The following P2RX4 variants were observed in gnomAD, a reference collection of about 807,000 sequenced individuals.
The protein encoded by P2RX4 is P2X purinoceptor 4.
P2RX4 carries 37 observed loss-of-function variants against 48.0 expected under a neutral mutation model. The ratio of observed to expected loss-of-function variants is 0.77; its 90% confidence interval spans 0.59 to 1.01. P2RX4 has a LOEUF of 1.01. Ranked by LOEUF, P2RX4 falls within the 50% of genes least tolerant of loss-of-function variation. The pLI is 0.00. For synonymous variants in P2RX4, 200 were observed against 199.7 expected, an observed-to-expected ratio of 1.00 and a Z score of -0.01; for missense variants, 501 against 521.4, an observed-to-expected ratio of 0.96 and a Z score of 0.38.
At chr12:121,214,295 A>C (rs1204829506) in intron 1 of P2RX4, 1 of 152,056 alleles carries the variant, frequency 6.6e-6, no homozygotes, top group African/African-American at 2.4e-5. Flanking sequence ...GGTCATGAGA[A>C]TCTTTAAAGC....
Position 121,232,716 on chromosome 12 carries a change from T to C in P2RX4, c.1044+40T>C, listed in dbSNP as rs1887451133. On this transcript the variant is annotated intron_variant, in intron 10 of 11. Transcript: ENST00000337233. The surrounding 1 kb of genome is among the most constrained non-coding windows in gnomAD (Gnocchi z 4.3). The stretch of plus-strand genomic sequence containing the variant: ...CCCTGCCTTCACCCTCACGGTGAGG[T>C]GAGACCCTGGGCTGGGGTCCTGGTC... 1 of 1,532,926 alleles carries C rather than the reference T, an allele frequency of 6.5e-7. No homozygotes were observed. Among genetic ancestry groups the C allele is most frequent in the South Asian group, 1.1e-5 (1 of 89,476 alleles). 95.0% of individuals were successfully genotyped at this position (1,532,926 alleles called of 1,614,324 possible).
chr12:121,230,422 G>C (rs1887267059), intron 8 of P2RX4, among the ~76,000 whole-genome samples: 1 of 152,212 alleles, frequency 6.6e-6, no homozygotes, highest in Non-Finnish European at 1.5e-5. Context: ...CCATCCCTGG[G>C]CGCGGTCAGC....
chr12:121,228,231 A>T (rs1392460524), intron 5 of P2RX4, among the ~76,000 whole-genome samples: 1 of 151,778 alleles, frequency 6.6e-6, no homozygotes, highest in African/African-American at 2.4e-5. Flanking sequence ...CTCTACTAAA[A>T]ATACAAAAAA....
chr12:121,232,724 T>C lies in P2RX4; in HGVS notation c.1044+48T>C. ...TCACCCTCACGGTGAGGTGAGACCCTGGGCTGGGGTCCTGGTCCTGGCCCT... is the reference window on the plus strand; with the variant it reads ...TCACCCTCACGGTGAGGTGAGACCCCGGGCTGGGGTCCTGGTCCTGGCCCT... On this transcript the variant is annotated intron_variant, in intron 10 of 11. Coordinates refer to ENST00000337233, the MANE Select transcript of P2RX4 (RefSeq NM_002560.3). This position sits in a 1 kb window ranked among gnomAD's most constrained non-coding sequence, Gnocchi z 4.3. The C allele has an allele frequency of 2.0e-6, 3 of 1,486,116 alleles. No individual in the cohort carries two copies. 92.1% of individuals were successfully genotyped at this position (1,486,116 alleles called of 1,614,324 possible).
At chr12:121,222,212 GC>G in intron 4 of P2RX4, 46 bp downstream of exon 4, 3 of 1,287,868 alleles carry the variant, frequency 2.3e-6, no homozygotes, top group Non-Finnish European at 3.4e-6. Flanking sequence ...TGAGCAGATC[GC>G]CCCCACTGTG....
intron 1 of P2RX4, chr12:121,216,132 A>G (rs1886213567): frequency 6.6e-6 from 1 of 152,246 alleles, no homozygotes; most frequent in African/African-American, 2.4e-5. Flanking sequence ...AAAATCTCAT[A>G]ACGTTTTAAG....
In P2RX4 at chr12:121,217,189, G is replaced by C. The variant is rs199523376; in HGVS notation, c.190G>C (p.Val64Leu). Reference protein sequence around the residue: ...YQETDSVVSSVTTKVKGVAVT... With the variant: ...YQETDSVVSSLTTKVKGVAVT... ...GGAAACTGACTCCGTGGTCAGCTCC[G>C]TTACGACCAAGGTCAAGGGCGTGGC... Residue 64 changes from valine (V) to leucine (L), a missense_variant, in exon 2 of 12, where the codon GTT becomes CTT. By Grantham distance (32) the Val-to-Leu change is conservative. This residue lies in a region of P2RX4 where 295 missense variants were observed against 275.3 expected (regional missense o/e 1.07). Transcript: ENST00000337233. 5.6e-6 allele frequency: 9 copies of C among 1,614,222 alleles called. No homozygotes were observed. Among genetic ancestry groups the C allele is most frequent in the Middle Eastern group, 1.6e-4 (1 of 6,062 alleles).
intron 1 of P2RX4, chr12:121,214,207 A>C (rs1442571042): frequency 6.6e-6 from 1 of 152,114 alleles, no homozygotes; most frequent in African/African-American, 2.4e-5. Flanking sequence ...GTCTCAAAAA[A>C]AAAAATATGT....
At position 121,228,804 on chromosome 12, in the gene P2RX4, A is replaced by G. The variant is rs779430546; in HGVS notation, c.685A>G (p.Ile229Val). 2.5e-5 allele frequency: 41 copies of G among 1,614,018 alleles called. No individual in the cohort carries two copies. In the East Asian group the frequency reaches 7.4e-4, roughly 29 times the overall value. ...YDAKTDPFCPIFRLGKIVENA... is the reference protein window; with the variant it reads ...YDAKTDPFCPVFRLGKIVENA... Reference sequence around the variant, plus strand: ...TGCTAAAACAGATCCCTTCTGCCCCATATTCCGTCTTGGCAAAATAGTGGA... The same window carrying G: ...TGCTAAAACAGATCCCTTCTGCCCCGTATTCCGTCTTGGCAAAATAGTGGA... The change falls in exon 7 of 12, where the codon ATA (isoleucine) becomes GTA (valine). Residue 229 changes from isoleucine to valine, a missense_variant. By Grantham distance (29) the Ile-to-Val change is conservative (BLOSUM62 3). Coordinates refer to ENST00000337233, the MANE Select transcript of P2RX4 (RefSeq NM_002560.3).
At position 121,222,973 on chromosome 12, in the gene P2RX4, T is replaced by A; in HGVS notation, c.454T>A (p.Phe152Ile). The change falls in exon 5 of 12, where the codon TTC becomes ATC. Residue 152 changes from phenylalanine to isoleucine, a missense_variant. By Grantham distance (21) the Phe-to-Ile change is conservative. Around this residue, in one of 3 missense-constraint regions of P2RX4, gnomAD observed 295 missense variants for 275.3 expected, o/e 1.07. Transcript: ENST00000337233. ...AGTCTCAACAGGCAGGTGCGTAGCT[T>A]TCAACGGGTCTGTCAAGACGTGTGA... ...NGVSTGRCVA[F>I]NGSVKTCEVA... 6.2e-7 allele frequency: 1 copy of A among 1,613,726 alleles called. No homozygotes were observed. The highest frequency in any genetic ancestry group is 8.5e-7 in the Non-Finnish European group (1 of 1,179,652).
chr12:121,222,519 TCTC>T, intron 4 of P2RX4: 1 of 443,518 alleles, frequency 2.3e-6, no homozygotes, highest in South Asian at 1.9e-5. Context: ...TTCAAACAAT[TCTC>T]CTGCCTCAGC....
intron 2 of P2RX4, among the ~76,000 whole-genome samples, chr12:121,218,986 C>T (rs1886398489): frequency 6.6e-6 from 1 of 152,034 alleles, no homozygotes; most frequent in Non-Finnish European, 1.5e-5. Flanking sequence ...GATCACGCCA[C>T]TGCACTCCAG....
intron 5 of P2RX4, among the ~76,000 whole-genome samples, chr12:121,227,025 GA>G (rs1384138828): frequency 6.6e-6 from 1 of 151,760 alleles, no homozygotes; most frequent in Non-Finnish European, 1.5e-5. Flanking sequence ...TGAGGCAGGA[GA>G]ATCACTTGAA....
intron 5 of P2RX4, among the ~76,000 whole-genome samples, chr12:121,225,541 G>A (rs1473983617): frequency 1.3e-5 from 2 of 152,050 alleles, no homozygotes; most frequent in Admixed American, 1.3e-4. Context: ...CTCCCCAGTA[G>A]CTGGGACTAC....
intron 5 of P2RX4, among the ~76,000 whole-genome samples, chr12:121,227,145 C>CA: frequency 6.6e-6 from 1 of 152,106 alleles, no homozygotes; most frequent in South Asian, 2.1e-4. Context: ...CCCTTGGTCC[C>CA]AGCCTTTCTC....
chr12:121,227,655 G>A (rs916770323), intron 5 of P2RX4, among the ~76,000 whole-genome samples: 1 of 152,198 alleles, frequency 6.6e-6, no homozygotes, highest in African/African-American at 2.4e-5. Flanking sequence ...CCTTCCTTGA[G>A]GGGAAGAACC....
At chr12:121,228,681 T>C (rs1887149929) in intron 6 of P2RX4, 44 bp from the exon 7 acceptor site, 2 of 1,613,496 alleles carry the variant, frequency 1.2e-6, no homozygotes, top group African/African-American at 2.7e-5. Context: ...CTCTCTTCTC[T>C]GAGGTTTTCG....
Position 121,222,113 on chromosome 12 carries a change from TG to T in P2RX4, c.375del (p.Cys126ValfsTer25), listed in dbSNP as rs1245298975. On this transcript the variant is annotated frameshift_variant, in exon 4 of 12. Transcript: ENST00000337233. LOFTEE classifies it high-confidence loss of function. ...TTCCAGATTCCAGATGCGACCACTG[TG>T]TGTAAATCAGATGCCAGCTGTACTG... Reference protein sequence around the residue: ...LCPEIPDATTVCKSDASCTAG... With the variant: ...LCPEIPDATTXCKSDASCTAG... 2 of 1,613,608 alleles carry T rather than the reference TG, an allele frequency of 1.2e-6. No individual in the cohort carries two copies. The highest frequency in any genetic ancestry group is 1.3e-5 in the African/African-American group (1 of 74,934).
chr12:121,210,918 A>G (rs943817984), intron 1 of P2RX4, among the ~76,000 whole-genome samples: 4 of 152,204 alleles, frequency 2.6e-5, no homozygotes, highest in African/African-American at 9.6e-5. Context: ...TGATTTGCTG[A>G]CAAAACCAAA....
Sources: allele counts gnomAD v4.1 joint callset (sites outside exome capture counted in the v4.1 genomes callset), GRCh38; gene constraint gnomAD v4.1.1; regional missense constraint gnomAD v4.1.1; non-coding constraint Gnocchi (gnomAD v3.1); transcripts MANE v1.5; gene names NCBI Gene and HGNC (gene_info 2026-07-23, HGNC 2026-07-21).